Variants in TCF12 observed in about 807,000 individuals in gnomAD.
TCF12 encodes DNA-binding protein HTF4.
TCF12 carries 45 observed loss-of-function variants against 86.0 expected under a neutral mutation model. The ratio of observed to expected loss-of-function variants is 0.52; its 90% CI spans 0.41 to 0.67. The LOEUF (loss-of-function observed/expected upper bound fraction) is 0.67, where lower values mean the gene tolerates loss of function less well. TCF12 is among the 30% of genes least tolerant of loss of function. The probability of loss-of-function intolerance (pLI) is 0.00; values close to 1 mark genes in which losing one functional copy is unlikely to be tolerated. For missense variants in TCF12, 881 were observed against 859.9 expected (o/e 1.02, Z -0.31); for synonymous variants, 330 against 299.6 (o/e 1.10, Z -1.05).
chr15:56,953,660 T>A (rs964607819), intron 3 of TCF12, among the ~76,000 whole-genome samples: 1 of 152,068 alleles, frequency 6.6e-6, no homozygotes, highest in African/African-American at 2.4e-5. Flanking sequence ...TGATAATTTG[T>A]GTTTCTCAAA....
chr15:57,199,601 A>T (rs2057434718), intron 8 of TCF12, among the ~76,000 whole-genome samples: 1 of 152,158 alleles, frequency 6.6e-6, no homozygotes, highest in African/African-American at 2.4e-5. Flanking sequence ...GGTCACCAGC[A>T]TTTCTTACAT....
At chr15:56,965,136 G>A (rs554628687) in intron 3 of TCF12, among the ~76,000 whole-genome samples, 2 of 152,080 alleles carry the variant, frequency 1.3e-5, no homozygotes, top group Non-Finnish European at 2.9e-5. Context: ...ATTCTTATGT[G>A]AAACCTTTCT....
chr15:56,930,858 C>T (rs1351155452), intron 3 of TCF12, among the ~76,000 whole-genome samples: 2 of 152,110 alleles, frequency 1.3e-5, no homozygotes, highest in South Asian at 2.1e-4. Flanking sequence ...TAAATCTGAT[C>T]TTATCTGAAG....
chr15:57,149,168 A>G (rs781769285), intron 5 of TCF12, among the ~76,000 whole-genome samples: 3 of 152,238 alleles, frequency 2.0e-5, no homozygotes, highest in African/African-American at 4.8e-5. Context: ...AGTGAGAGAC[A>G]GACCTCTAAG....
At chr15:57,148,701 CAAAAA>C (rs61526953) in intron 5 of TCF12, among the ~76,000 whole-genome samples, 3 of 124,384 alleles carry the variant, frequency 2.4e-5, no homozygotes, top group Non-Finnish European at 3.3e-5. Flanking sequence ...GGTGACGTGG[CAAAAA>C]AAAAAAAAAA....
chr15:57,053,530 A>G (rs190461657), intron 3 of TCF12, among the ~76,000 whole-genome samples: 22 of 151,432 alleles, frequency 1.5e-4, no homozygotes, highest in Admixed American at 1.1e-3. Flanking sequence ...CATCCAAGAC[A>G]TTGACAAGAC....
chr15:57,269,455 C>A (rs373749616), intron 18 of TCF12, among the ~76,000 whole-genome samples: 1 of 130,900 alleles, frequency 7.6e-6, no homozygotes, highest in Non-Finnish European at 1.5e-5. Flanking sequence ...TGTATCTTTG[C>A]GCATGAAGTG....
intron 3 of TCF12, among the ~76,000 whole-genome samples, chr15:57,034,363 A>G (rs192255947): frequency 2.6e-5 from 4 of 152,222 alleles, no homozygotes; most frequent in Admixed American, 2.0e-4. Context: ...GGTGGGCAAG[A>G]AGAGCTTGCC....
chr15:56,981,628 C>T (rs543443830), intron 3 of TCF12, among the ~76,000 whole-genome samples: 1 of 152,168 alleles, frequency 6.6e-6, no homozygotes, highest in Non-Finnish European at 1.5e-5. Context: ...GTTAGAGGCT[C>T]TGACTCCCCA....
chr15:57,284,360 A>G (rs1401904113), intron 20 of TCF12, among the ~76,000 whole-genome samples: 1 of 151,992 alleles, frequency 6.6e-6, no homozygotes, highest in Non-Finnish European at 1.5e-5. Context: ...GACATACACC[A>G]CCACGCCCAG....
intron 3 of TCF12, among the ~76,000 whole-genome samples, chr15:57,029,889 A>G (rs1281237360): frequency 6.6e-6 from 1 of 152,194 alleles, no homozygotes; most frequent in Non-Finnish European, 1.5e-5. Flanking sequence ...GTGAGATTCA[A>G]CTATGTTGTA....
chr15:57,211,089 C>G (rs1304324144), intron 8 of TCF12, among the ~76,000 whole-genome samples: 1 of 152,166 alleles, frequency 6.6e-6, no homozygotes, highest in Admixed American at 6.5e-5. Flanking sequence ...GTTTTGTTTT[C>G]CAGGTGATGC....
At chr15:57,204,928 A>G (rs1439815339) in intron 8 of TCF12, among the ~76,000 whole-genome samples, 1 of 152,188 alleles carries the variant, frequency 6.6e-6, no homozygotes, top group Non-Finnish European at 1.5e-5. Context: ...ATCCATGAAA[A>G]TAGTAAGATG....
At chr15:57,163,887 T>C (rs1381753845) in intron 5 of TCF12, among the ~76,000 whole-genome samples, 1 of 152,160 alleles carries the variant, frequency 6.6e-6, no homozygotes, top group African/African-American at 2.4e-5. Context: ...ATGACTGGCA[T>C]AGAAGGAATT....
intron 12 of TCF12, among the ~76,000 whole-genome samples, chr15:57,237,179 A>G (rs1479795699): frequency 2.0e-5 from 3 of 151,316 alleles, no homozygotes; most frequent in African/African-American, 7.3e-5. Flanking sequence ...GTGTATATGT[A>G]TGTGTGTATT....
chr15:57,277,510 T>C (rs1463090937), intron 19 of TCF12, among the ~76,000 whole-genome samples: 1 of 151,074 alleles, frequency 6.6e-6, no homozygotes, highest in Admixed American at 6.6e-5. Context: ...GCGCAAGTAG[T>C]CCCAGCTACT....
intron 5 of TCF12, among the ~76,000 whole-genome samples, chr15:57,148,868 C>T (rs1290972273): frequency 7.9e-5 from 12 of 152,008 alleles, no homozygotes; most frequent in Admixed American, 7.9e-4. Flanking sequence ...AGAATGAGAC[C>T]TCATCTCAAC....
At chr15:57,234,407 A>G (rs2059297127) in intron 12 of TCF12, among the ~76,000 whole-genome samples, 1 of 152,220 alleles carries the variant, frequency 6.6e-6, no homozygotes, top group Admixed American at 6.5e-5. Context: ...AGTCAAGTGG[A>G]ACCACGAAAG....
In TCF12 at chr15:56,919,828, C is replaced by T. The variant is rs1285348032; in HGVS notation, c.-22-64C>T. 4.1e-6 allele frequency: 6 copies of T among 1,451,540 alleles called. No homozygotes were observed. The Admixed American group carries it at 5.4e-5, about 13-fold the overall frequency. 89.9% of individuals were successfully genotyped at this position (1,451,540 alleles called of 1,614,324 possible). A position where few individuals can be genotyped will look rare whatever the true frequency, so the allele number is the denominator to read the frequency against. Reference sequence around the variant, plus strand: ...TTGCGTAATCTTCCCCAGTACCTCTCTCTGTTCCCTCACACACTTTGGGCC... The same window carrying T: ...TTGCGTAATCTTCCCCAGTACCTCTTTCTGTTCCCTCACACACTTTGGGCC... On this transcript the variant is annotated intron_variant, in intron 1 of 20. Coordinates refer to ENST00000333725, the MANE Select transcript of TCF12 (RefSeq NM_207037.2).
Sources: gnomAD v4.1 joint callset for allele counts (sites outside exome capture counted in the v4.1 genomes callset) on GRCh38, gnomAD v4.1.1 for gene constraint, MANE v1.5 for transcripts, NCBI Gene and HGNC (gene_info 2026-07-23, HGNC 2026-07-21) for gene names.